RNASEH1: variants seen among roughly 807,000 people sequenced by gnomAD.
RNASEH1 encodes the protein ribonuclease H1.
In RNASEH1, 27 loss-of-function variants were observed where a neutral mutation model predicts 34.6. The ratio of observed to expected loss-of-function variants is 0.78; its 90% confidence interval spans 0.58 to 1.08. The LOEUF (loss-of-function observed/expected upper bound fraction) is 1.08. RNASEH1 is among the 50% of genes least tolerant of loss of function. The pLI is 0.00. For missense variants in RNASEH1, 349 were observed against 373.6 expected, an observed-to-expected ratio of 0.93 and a Z score of 0.54; for synonymous variants, 162 against 138.4, an observed-to-expected ratio of 1.17 and a Z score of -1.20.
intron 7 of RNASEH1, among the ~76,000 whole-genome samples, chr2:3,547,588 A>G (rs1668880979): frequency 6.6e-6 from 1 of 151,856 alleles, no homozygotes; most frequent in African/African-American, 2.4e-5. Flanking sequence ...CCTGGGTTCA[A>G]GTGATTCTCC....
intron 3 of RNASEH1, among the ~76,000 whole-genome samples, chr2:3,551,671 G>A (rs1017482771): frequency 6.6e-6 from 1 of 152,186 alleles, no homozygotes; most frequent in African/African-American, 2.4e-5. Flanking sequence ...TATTCTGTGA[G>A]TCACTAAATA....
chr2:3,553,451 C>T (rs1660187133), intron 2 of RNASEH1, among the ~76,000 whole-genome samples: 2 of 151,284 alleles, frequency 1.3e-5, no homozygotes, highest in Non-Finnish European at 1.5e-5. Context: ...AGTACAGTGG[C>T]GCGATCGTGG....
At chr2:3,548,811 T>C in intron 5 of RNASEH1, 87 bp from the exon 6 acceptor site, 1 of 930,008 alleles carries the variant, frequency 1.1e-6, no homozygotes, top group Non-Finnish European at 1.7e-6. Context: ...AATTGAAACA[T>C]CCCCTCTGTA....
chr2:3,541,410 A>C (rs539543692), downstream of RNASEH1, among the ~76,000 whole-genome samples: 77 of 152,308 alleles, frequency 5.1e-4, 1 homozygote, highest in Non-Finnish European at 2.1e-4. Context: ...CAAGAGAAAC[A>C]GAAGACAAAG....
rs552205074 is a variant in RNASEH1 at position 3,556,879 on chromosome 2, G to A, written c.154C>T (p.Arg52Trp). 32 of 1,613,852 alleles carry A rather than the reference G, an allele frequency of 2.0e-5. No individual in the cohort carries two copies. Among genetic ancestry groups the A allele is most frequent in the Middle Eastern group, 1.6e-4 (1 of 6,062 alleles). ...TTCTTAAATCTGGCAGCAGGAAACC[G>A]GTCCACCTGTGCTCTGCACTCATTC... ...TWNECRAQVD[R>W]FPAARFKKFA... The change falls in exon 2 of 8, where the codon CGG becomes TGG. Residue 52 changes from arginine to tryptophan, a missense_variant. Arg to Trp is a moderately radical substitution (Grantham distance 101, BLOSUM62 -3). Coordinates refer to ENST00000315212, the MANE Select transcript of RNASEH1 (RefSeq NM_002936.6).
Position 3,542,213 on chromosome 2 carries a change from A to G in RNASEH1, c.*3572T>C, listed in dbSNP as rs10153531. On this transcript the variant is annotated 3_prime_UTR_variant, in exon 8 of 8. Transcript: ENST00000315212. Reference sequence around the variant, plus strand: ...AGCAAATCTTCTTAAAATAACAGATATGAAGTACACATAGAAAGAGCACAC... The same window carrying G: ...AGCAAATCTTCTTAAAATAACAGATGTGAAGTACACATAGAAAGAGCACAC... Among the ~76,000 whole-genome samples the G allele has an allele frequency of 0.68, 104,029 of 152,036 alleles. 36,700 individuals are homozygous for G. Among genetic ancestry groups the G allele is most frequent in the African/African-American group, 0.86 (35,591 of 41,510 alleles).
intron 2 of RNASEH1, among the ~76,000 whole-genome samples, chr2:3,555,470 G>A (rs1660397283): frequency 6.6e-6 from 1 of 152,142 alleles, no homozygotes; most frequent in Non-Finnish European, 1.5e-5. Context: ...GATGCACTGA[G>A]TGAGGGTCGA....
intron 2 of RNASEH1, among the ~76,000 whole-genome samples, chr2:3,556,185 G>A (rs1026718646): frequency 6.6e-6 from 1 of 151,316 alleles, no homozygotes; most frequent in Non-Finnish European, 1.5e-5. Context: ...AAAAAAAAAA[G>A]AAGAAATTCA....
chr2:3,540,495 G>A (rs1343128115), downstream of RNASEH1, among the ~76,000 whole-genome samples: 2 of 152,184 alleles, frequency 1.3e-5, no homozygotes, highest in Non-Finnish European at 2.9e-5. Flanking sequence ...TGCAACCTCT[G>A]CCGCCTGGGT....
intron 6 of RNASEH1, 44 bp downstream of exon 6, chr2:3,548,596 C>T (rs1668980373): frequency 1.5e-6 from 2 of 1,341,310 alleles, no homozygotes; most frequent in Non-Finnish European, 2.1e-6. Context: ...AATTTCCCTT[C>T]ACAGTTACTG....
At chr2:3,552,364 T>C in intron 2 of RNASEH1, 56 bp from the exon 3 acceptor site, 1 of 1,521,866 alleles carries the variant, frequency 6.6e-7, no homozygotes, top group Non-Finnish European at 9.0e-7. Flanking sequence ...CACGAAATGC[T>C]AGAGAATGAA....
chr2:3,549,417 G>C (rs1341482180), intron 4 of RNASEH1, among the ~76,000 whole-genome samples: 2 of 152,228 alleles, frequency 1.3e-5, no homozygotes, highest in Non-Finnish European at 2.9e-5. Flanking sequence ...AGAATGGAGA[G>C]AGTGAGACTT....
intron 3 of RNASEH1, among the ~76,000 whole-genome samples, chr2:3,551,396 T>C (rs1030415742): frequency 1.3e-5 from 2 of 152,202 alleles, no homozygotes; most frequent in East Asian, 1.9e-4. Flanking sequence ...CCTCCAGCAA[T>C]GGTCAGTGTC....
At position 3,541,646 on chromosome 2, in the gene RNASEH1, T is replaced by C. The variant is rs1252153634; in HGVS notation, c.*4139A>G. Among the ~76,000 whole-genome samples, 1 of 152,116 alleles carries C rather than the reference T, an allele frequency of 6.6e-6. No individual in the cohort carries two copies. The highest frequency in any genetic ancestry group is 1.9e-4 in the East Asian group (1 of 5,186). On this transcript the variant is annotated 3_prime_UTR_variant, in exon 8 of 8. Coordinates refer to ENST00000315212, the MANE Select transcript of RNASEH1 (RefSeq NM_002936.6). ...GCTCTGCGATTCCACTCAGATAAAATTCTAGAATATATAAATTAACCTTTA... is the reference window on the plus strand; with the variant it reads ...GCTCTGCGATTCCACTCAGATAAAACTCTAGAATATATAAATTAACCTTTA...
rs144474893 is a variant in RNASEH1 at position 3,542,020 on chromosome 2, C to A, written c.*3765G>T. Among the ~76,000 whole-genome samples the A allele has an allele frequency of 6.6e-6, 1 of 152,040 alleles. No homozygotes were observed. Among genetic ancestry groups the A allele is most frequent in the South Asian group, 2.1e-4 (1 of 4,826 alleles). ...ATAACAAAACAAAACAAAAGTGGTA[C>A]AATAACAACTTTTAAAACTCAAAAA... is the stretch of plus-strand genomic sequence containing the variant. On this transcript the variant is annotated 3_prime_UTR_variant, in exon 8 of 8. Transcript: ENST00000315212.
chr2:3,548,462 T>A (rs150019451), intron 6 of RNASEH1, among the ~76,000 whole-genome samples, 178 bp downstream of exon 6: 1 of 152,294 alleles, frequency 6.6e-6, no homozygotes, highest in Non-Finnish European at 1.5e-5. Context: ...GAAATAAGCA[T>A]GTGGAAAACA....
intron 6 of RNASEH1, among the ~76,000 whole-genome samples, chr2:3,548,357 A>C (rs1288601415): frequency 1.3e-5 from 2 of 152,194 alleles, no homozygotes; most frequent in African/African-American, 4.8e-5. Context: ...TTTCCCAAAG[A>C]AGCAGTCAAC....
intron 2 of RNASEH1, among the ~76,000 whole-genome samples, chr2:3,554,444 A>T (rs1291969482): frequency 6.6e-6 from 1 of 152,264 alleles, no homozygotes; most frequent in Non-Finnish European, 1.5e-5. Context: ...ACCTTAAATC[A>T]GCTTATATAA....
At position 3,542,908 on chromosome 2, in the gene RNASEH1, A is replaced by C. The variant is rs951017555; in HGVS notation, c.*2877T>G. ...TTGTATTTTTTTAAAGCTCCGTCCA[A>C]AAATCTAGAAATAATGACCAACGCA... is the stretch of plus-strand genomic sequence containing the variant. On this transcript the variant is annotated 3_prime_UTR_variant, in exon 8 of 8. Coordinates refer to ENST00000315212, the MANE Select transcript of RNASEH1 (RefSeq NM_002936.6). Among the ~76,000 whole-genome samples, 3 of 152,180 alleles carry C rather than the reference A, an allele frequency of 2.0e-5. No homozygotes were observed. Among genetic ancestry groups the C allele is most frequent in the African/African-American group, 4.8e-5 (2 of 41,438 alleles).
Sources: gnomAD v4.1 joint callset for allele counts (sites outside exome capture counted in the v4.1 genomes callset) on GRCh38, gnomAD v4.1.1 for gene constraint, MANE v1.5 for transcripts, NCBI Gene and HGNC (gene_info 2026-07-23, HGNC 2026-07-21) for gene names.